NRG3: variants seen among roughly 807,000 people sequenced by gnomAD.
The protein encoded by NRG3 is neuregulin 3.
A neutral mutation model predicts 66.9 loss-of-function variants in NRG3; 31 were observed. The observed-to-expected ratio is 0.46, with a 90% CI of 0.35 to 0.63. The LOEUF (loss-of-function observed/expected upper bound fraction) is 0.63, where lower values mean the gene tolerates loss of function less well. NRG3 is among the 20% of genes least tolerant of loss of function. The pLI, the probability that NRG3 is intolerant of heterozygous loss-of-function variation, is 0.00. For synonymous variants in NRG3, 393 were observed against 359.4 expected (o/e 1.09, Z -1.06); for missense variants, 910 against 878.9 (o/e 1.04, Z -0.45).
At chr10:81,938,772 C>A (rs749812521) in intron 1 of NRG3, among the ~76,000 whole-genome samples, 10 of 151,936 alleles carry the variant, frequency 6.6e-5, no homozygotes, top group Non-Finnish European at 1.2e-4. Context: ...TCTAATTGCT[C>A]TGGTTAGGAC....
chr10:82,286,134 G>A (rs1564749239), intron 1 of NRG3, among the ~76,000 whole-genome samples: 2 of 152,132 alleles, frequency 1.3e-5, no homozygotes, highest in Admixed American at 1.3e-4. Flanking sequence ...ATGGGGGTGA[G>A]GAGCGCAGGT....
intron 2 of NRG3, among the ~76,000 whole-genome samples, chr10:82,728,388 G>A (rs555487618): frequency 1.3e-5 from 2 of 152,236 alleles, no homozygotes; most frequent in South Asian, 2.1e-4. Flanking sequence ...TTCCTATGCT[G>A]TTCTCATGAT....
intron 1 of NRG3, among the ~76,000 whole-genome samples, chr10:82,342,728 G>C (rs2082747848): frequency 6.6e-6 from 1 of 151,820 alleles, no homozygotes; most frequent in African/African-American, 2.4e-5. Context: ...TCTGTTTACT[G>C]TATTTATCAT....
chr10:82,129,193 A>G (rs1649973), intron 1 of NRG3, among the ~76,000 whole-genome samples: 129,876 of 151,886 alleles, frequency 0.86, 56,135 homozygotes, highest in African/African-American at 0.95. Context: ...GATTACAGGC[A>G]TAAGCCACTG....
At chr10:82,241,658 T>C (rs1379177101) in intron 1 of NRG3, among the ~76,000 whole-genome samples, 1 of 152,176 alleles carries the variant, frequency 6.6e-6, no homozygotes, top group Non-Finnish European at 1.5e-5. Context: ...ACAGTGATCT[T>C]GTAATCTTTG....
intron 5 of NRG3, among the ~76,000 whole-genome samples, chr10:82,957,654 G>C (rs1850188734): frequency 6.6e-6 from 1 of 151,828 alleles, no homozygotes; most frequent in African/African-American, 2.4e-5. Context: ...AGTTCTGCAA[G>C]GACATATGCC....
intron 4 of NRG3, among the ~76,000 whole-genome samples, chr10:82,890,393 T>A (rs1843049599): frequency 6.6e-6 from 1 of 152,126 alleles, no homozygotes; most frequent in Admixed American, 6.5e-5. Context: ...AAACAACAAA[T>A]ATCTTATTAT....
At chr10:82,144,839 G>A (rs1288313360) in intron 1 of NRG3, among the ~76,000 whole-genome samples, 2 of 152,160 alleles carry the variant, frequency 1.3e-5, no homozygotes, top group Admixed American at 1.3e-4. Context: ...ATGGTTTGTT[G>A]GAAGGAATGA....
At chr10:82,645,039 C>T (rs1460829968) in intron 2 of NRG3, among the ~76,000 whole-genome samples, 1 of 152,096 alleles carries the variant, frequency 6.6e-6, no homozygotes, top group Admixed American at 6.6e-5. Context: ...TTTGAGAAAA[C>T]CCATTGATGC....
At chr10:82,754,708 A>G (rs1469945658) in intron 3 of NRG3, among the ~76,000 whole-genome samples, 2 of 152,130 alleles carry the variant, frequency 1.3e-5, no homozygotes, top group Non-Finnish European at 2.9e-5. Context: ...ATCCTGTTCT[A>G]TGTAGCTTTA....
chr10:82,214,767 G>A (rs1312542732), intron 1 of NRG3, among the ~76,000 whole-genome samples: 2 of 152,154 alleles, frequency 1.3e-5, no homozygotes, highest in Admixed American at 1.3e-4. Context: ...ACCATGACCA[G>A]CCCCATCACT....
intron 2 of NRG3, among the ~76,000 whole-genome samples, chr10:82,591,703 A>T (rs1052800856): frequency 1.3e-5 from 2 of 152,222 alleles, no homozygotes; most frequent in Non-Finnish European, 2.9e-5. Flanking sequence ...GCCATTCAGT[A>T]AAGTACAACT....
chr10:82,776,937 C>A (rs1432174815), intron 3 of NRG3, among the ~76,000 whole-genome samples: 1 of 152,046 alleles, frequency 6.6e-6, no homozygotes, highest in Non-Finnish European at 1.5e-5. Flanking sequence ...ATGGGGTTAG[C>A]TACTGAGGAA....
chr10:82,516,304 CT>C (rs1231324659), intron 2 of NRG3, among the ~76,000 whole-genome samples: 1 of 152,114 alleles, frequency 6.6e-6, no homozygotes, highest in Non-Finnish European at 1.5e-5. Flanking sequence ...TTCAATTTTG[CT>C]TTACTTCCCT....
At chr10:82,507,599 G>A (rs1844805920) in intron 2 of NRG3, among the ~76,000 whole-genome samples, 2 of 152,248 alleles carry the variant, frequency 1.3e-5, no homozygotes, top group East Asian at 3.9e-4. Flanking sequence ...AGACCCAAGG[G>A]TGGGAGGCCA....
chr10:82,392,051 G>C lies in NRG3; in HGVS notation c.953+33183G>C, dbSNP rs73310889. On this transcript the variant is annotated intron_variant, in intron 2 of 8. Transcript: ENST00000372141. The stretch of plus-strand genomic sequence containing the variant: ...CGAAACTAGGAAAAGCATTAGAATT[G>C]CCCCATGTGAATTCCACTCACATTT... Among the ~76,000 whole-genome samples, 784 of 141,086 alleles carry C rather than the reference G, an allele frequency of 5.6e-3. 7 individuals are homozygous for C. The highest frequency in any genetic ancestry group is 0.02 in the African/African-American group (763 of 37,236). The allele number at this position is 141,086 out of a possible 152,430, so 92.6% of individuals were successfully genotyped here.
chr10:82,569,027 A>T (rs2045579820), intron 2 of NRG3, among the ~76,000 whole-genome samples: 1 of 151,682 alleles, frequency 6.6e-6, no homozygotes, highest in South Asian at 2.1e-4. Flanking sequence ...TCCATTCCTG[A>T]TATCAACTTC....
At chr10:82,473,437 G>GA (rs945827722) in intron 2 of NRG3, among the ~76,000 whole-genome samples, 1 of 152,154 alleles carries the variant, frequency 6.6e-6, no homozygotes, top group Non-Finnish European at 1.5e-5. Context: ...GTGTCAGCAA[G>GA]ATTTCCCCCA....
intron 4 of NRG3, among the ~76,000 whole-genome samples, chr10:82,891,067 A>G (rs1416753564): frequency 6.6e-6 from 1 of 152,090 alleles, no homozygotes; most frequent in African/African-American, 2.4e-5. Context: ...AAGTAAACCA[A>G]CATTATACTT....
Sources: allele counts gnomAD v4.1 joint callset (sites outside exome capture counted in the v4.1 genomes callset), GRCh38; gene constraint gnomAD v4.1.1; transcripts MANE v1.5; gene names NCBI Gene and HGNC (gene_info 2026-07-23, HGNC 2026-07-21).